ILRUN: variants seen among roughly 807,000 people sequenced by gnomAD.
The protein encoded by ILRUN is protein ILRUN.
In ILRUN, 3 loss-of-function variants were observed where a neutral mutation model predicts 33.8. The observed-to-expected ratio is 0.09, with a 90% CI of 0.04 to 0.23. ILRUN has a LOEUF of 0.23. ILRUN is among the 10% of genes least tolerant of loss of function. The probability of loss-of-function intolerance (pLI) is 1.00; values close to 1 mark genes in which losing one functional copy is unlikely to be tolerated. For missense variants in ILRUN, 210 were observed against 375.1 expected (o/e 0.56, Z 3.64); for synonymous variants, 124 against 138.9 (o/e 0.89, Z 0.75).
intron 1 of ILRUN, among the ~76,000 whole-genome samples, chr6:34,659,494 C>T (rs1256083216): frequency 6.6e-6 from 1 of 151,974 alleles, no homozygotes; most frequent in Non-Finnish European, 1.5e-5. Context: ...TACTAATTAC[C>T]ATTATGAATT....
rs1184192410 is a variant in ILRUN, at chr6:34,588,040, G to A, written c.*2525C>T. 1 of 398,626 alleles carries A rather than the reference G, an allele frequency of 2.5e-6. No individual in the cohort carries two copies. The highest frequency in any genetic ancestry group is 3.6e-5 in the East Asian group (1 of 28,082). The allele number at this position is 398,626 out of a possible 1,614,324, so 24.7% of individuals were successfully genotyped here. A position where few individuals can be genotyped will look rare whatever the true frequency, so the allele number is the denominator to read the frequency against. On this transcript the variant is annotated 3_prime_UTR_variant, in exon 5 of 5. Coordinates refer to ENST00000374023, the MANE Select transcript of ILRUN (RefSeq NM_024294.4). ...CCACCCCACTAGGCAGGGGAGCAGA[G>A]AGGGGCCCTAGGCATTGCTCTGAAC...
intron 2 of ILRUN, among the ~76,000 whole-genome samples, chr6:34,651,507 C>T (rs1762667821): frequency 6.6e-6 from 1 of 152,056 alleles, no homozygotes; most frequent in South Asian, 2.1e-4. Flanking sequence ...GTAGATATAT[C>T]AAGAGGCTTT....
At chr6:34,681,278 T>G (rs953079498) in intron 1 of ILRUN, among the ~76,000 whole-genome samples, 1 of 152,086 alleles carries the variant, frequency 6.6e-6, no homozygotes, top group Non-Finnish European at 1.5e-5. Context: ...GCACAACTAT[T>G]CATTTTAAAA....
At chr6:34,628,287 T>C (rs1395837825) in intron 3 of ILRUN, among the ~76,000 whole-genome samples, 1 of 152,102 alleles carries the variant, frequency 6.6e-6, no homozygotes, top group Non-Finnish European at 1.5e-5. Context: ...AGCTAAAGTG[T>C]TGAGATTACA....
chr6:34,680,136 C>T (rs950503936), intron 1 of ILRUN, among the ~76,000 whole-genome samples: 10 of 152,204 alleles, frequency 6.6e-5, no homozygotes, highest in Non-Finnish European at 1.3e-4. Context: ...ATTCCATTTC[C>T]ACCCATGTGA....
chr6:34,654,072 G>T (rs1392165046), intron 2 of ILRUN, among the ~76,000 whole-genome samples: 1 of 149,134 alleles, frequency 6.7e-6, no homozygotes, highest in Non-Finnish European at 1.5e-5. Context: ...CCCATTTTGA[G>T]CAAATTCCCA....
intron 4 of ILRUN, among the ~76,000 whole-genome samples, chr6:34,605,162 T>C (rs939934201): frequency 4.0e-5 from 6 of 151,836 alleles, no homozygotes; most frequent in Non-Finnish European, 7.4e-5. Flanking sequence ...CAAAATTAGC[T>C]GGGCGTGGTG....
At chr6:34,665,800 G>A (rs1168995962) in intron 1 of ILRUN, among the ~76,000 whole-genome samples, 5 of 152,016 alleles carry the variant, frequency 3.3e-5, no homozygotes, top group Admixed American at 6.6e-5. Context: ...TCTTGTTTCT[G>A]CATACAGTGA....
chr6:34,692,769 TG>T (rs1562037846), intron 1 of ILRUN, among the ~76,000 whole-genome samples: 1 of 152,088 alleles, frequency 6.6e-6, no homozygotes, highest in African/African-American at 2.4e-5. Flanking sequence ...TCTAAAAAAA[TG>T]TTTAAATTGA....
intron 2 of ILRUN, among the ~76,000 whole-genome samples, chr6:34,647,425 G>A (rs998564389): frequency 4.6e-5 from 7 of 152,100 alleles, no homozygotes; most frequent in Non-Finnish European, 1.0e-4. Flanking sequence ...AAACAATGGG[G>A]TGATCTCCCC....
chr6:34,693,785 G>A (rs1763698997), intron 1 of ILRUN, among the ~76,000 whole-genome samples: 1 of 151,220 alleles, frequency 6.6e-6, no homozygotes, highest in South Asian at 2.1e-4. Flanking sequence ...TCCTGTCTCA[G>A]CCTCCCTCAA....
intron 3 of ILRUN, among the ~76,000 whole-genome samples, chr6:34,633,346 A>G (rs1762285864): frequency 6.6e-6 from 1 of 152,246 alleles, no homozygotes; most frequent in South Asian, 2.1e-4. Context: ...GGACCTTTCA[A>G]CACTCCCTTC....
chr6:34,653,807 T>C (rs79796289), intron 2 of ILRUN, among the ~76,000 whole-genome samples: 18,423 of 151,736 alleles, frequency 0.12, 1,472 homozygotes, highest in Middle Eastern at 0.24. Context: ...ACTCCATCTC[T>C]ACAATTAAAA....
At chr6:34,660,379 A>G (rs1294827449) in intron 1 of ILRUN, among the ~76,000 whole-genome samples, 1 of 152,086 alleles carries the variant, frequency 6.6e-6, no homozygotes, top group Non-Finnish European at 1.5e-5. Flanking sequence ...AAAAAAAACT[A>G]GATACCTTTT....
In ILRUN at chr6:34,592,369, A is replaced by G. The variant is rs1354931197; in HGVS notation, c.862-1769T>C. 6.6e-6 allele frequency among the ~76,000 whole-genome samples: 1 copy of G among 152,220 alleles called. No individual in the cohort carries two copies. Among genetic ancestry groups the G allele is most frequent in the Non-Finnish European group, 1.5e-5 (1 of 68,042 alleles). On this transcript the variant is annotated intron_variant, in intron 4 of 4. Coordinates refer to ENST00000374023, the MANE Select transcript of ILRUN (RefSeq NM_024294.4). The surrounding 1 kb of genome is among the most constrained non-coding windows in gnomAD (Gnocchi z 4.0). Reference sequence around the variant, plus strand: ...GAGGGAAGCAACTGGCATTTGCCAAAATGCCACATGGCTGTCAGCCCGAGC... The same window carrying G: ...GAGGGAAGCAACTGGCATTTGCCAAGATGCCACATGGCTGTCAGCCCGAGC...
At chr6:34,675,952 G>A (rs910670708) in intron 1 of ILRUN, among the ~76,000 whole-genome samples, 4 of 152,146 alleles carry the variant, frequency 2.6e-5, no homozygotes, top group Admixed American at 6.5e-5. Context: ...CTCTTCAGTT[G>A]GTTAAGAGTG....
chr6:34,616,933 T>G (rs1301701451), intron 3 of ILRUN: 13 of 581,180 alleles, frequency 2.2e-5, no homozygotes, highest in Non-Finnish European at 4.3e-5. Flanking sequence ...AACCATATAT[T>G]GCATAGGAGT....
chr6:34,596,724 T>C (rs1210778275), intron 4 of ILRUN, among the ~76,000 whole-genome samples: 2 of 152,194 alleles, frequency 1.3e-5, no homozygotes, highest in Admixed American at 6.5e-5. Flanking sequence ...ACCCTACTTC[T>C]ACACTCAAGG....
Position 34,628,578 on chromosome 6 carries a change from C to T in ILRUN, c.511+18023G>A, listed in dbSNP as rs908555442. On this transcript the variant is annotated intron_variant, in intron 3 of 4. Transcript: ENST00000374023. The stretch of plus-strand genomic sequence containing the variant: ...CCATCTCCTGACCTCATGATCCGCC[C>T]GCCTCGGCCTCCCAAAGTGCTGGGA... Among the ~76,000 whole-genome samples the T allele has an allele frequency of 2.6e-5, 4 of 152,000 alleles. No homozygotes were observed. The East Asian group carries it at 7.7e-4, about 29-fold the overall frequency.
Sources: gnomAD v4.1 joint callset for allele counts (sites outside exome capture counted in the v4.1 genomes callset) on GRCh38, gnomAD v4.1.1 for gene constraint, Gnocchi (gnomAD v3.1) non-coding constraint, MANE v1.5 for transcripts, NCBI Gene and HGNC (gene_info 2026-07-23, HGNC 2026-07-21) for gene names.